The following CDC42SE2 variants were observed in gnomAD, a reference collection of about 807,000 sequenced individuals.
The protein encoded by CDC42SE2 is CDC42 small effector protein 2.
CDC42SE2 carries 3 observed loss-of-function variants against 11.5 expected under a neutral mutation model. The ratio of observed to expected loss-of-function variants is 0.26; its 90% CI spans 0.12 to 0.67. The LOEUF (loss-of-function observed/expected upper bound fraction) is 0.67. Among genes scored for constraint, CDC42SE2 ranks in the 30% least tolerant of loss-of-function variants. CDC42SE2 has a pLI of 0.80. For missense variants in CDC42SE2, 82 were observed against 106.8 expected, an observed-to-expected ratio of 0.77 and a Z score of 1.02; for synonymous variants, 33 against 34.8, an observed-to-expected ratio of 0.95 and a Z score of 0.18.
At chr5:131,323,094 G>A (rs1030976412) in intron 2 of CDC42SE2, among the ~76,000 whole-genome samples, 2 of 151,572 alleles carry the variant, frequency 1.3e-5, no homozygotes, top group Non-Finnish European at 1.5e-5. Flanking sequence ...ATGGACAATC[G>A]TGACTCACTG....
At chr5:131,279,779 G>A (rs1757200169) in intron 1 of CDC42SE2, among the ~76,000 whole-genome samples, 2 of 152,046 alleles carry the variant, frequency 1.3e-5, no homozygotes, top group South Asian at 4.1e-4. Context: ...TTTAAAAATT[G>A]AACTCTGAGA....
intron 3 of CDC42SE2, among the ~76,000 whole-genome samples, chr5:131,365,865 C>T (rs1245130121): frequency 6.6e-6 from 1 of 152,056 alleles, no homozygotes; most frequent in Non-Finnish European, 1.5e-5. Context: ...GCCTGTAGTC[C>T]CAGCTACTCG....
intron 4 of CDC42SE2, among the ~76,000 whole-genome samples, chr5:131,389,351 A>G (rs2149791103): frequency 6.6e-6 from 1 of 152,354 alleles, no homozygotes; most frequent in African/African-American, 2.4e-5. Flanking sequence ...CAAACAAACA[A>G]AAATATAGAT....
At chr5:131,309,622 G>C (rs1398085175) in intron 1 of CDC42SE2, among the ~76,000 whole-genome samples, 1 of 151,708 alleles carries the variant, frequency 6.6e-6, no homozygotes, top group African/African-American at 2.4e-5. Context: ...CACAATTTCA[G>C]CTCCTGTTAT....
chr5:131,334,809 A>AG (rs1758513806), intron 2 of CDC42SE2, among the ~76,000 whole-genome samples: 1 of 152,076 alleles, frequency 6.6e-6, no homozygotes, highest in African/African-American at 2.4e-5. Flanking sequence ...ATGGGTGGTG[A>AG]TATCCCCTTT....
chr5:131,356,636 T>C (rs1749556779), intron 2 of CDC42SE2, among the ~76,000 whole-genome samples: 1 of 152,230 alleles, frequency 6.6e-6, no homozygotes, highest in South Asian at 2.1e-4. Flanking sequence ...TATTGTACTT[T>C]AGGCCAGGTG....
intron 3 of CDC42SE2, among the ~76,000 whole-genome samples, chr5:131,376,689 C>T (rs1447274761): frequency 6.6e-6 from 1 of 152,024 alleles, no homozygotes; most frequent in Non-Finnish European, 1.5e-5. Flanking sequence ...TCTGTTGTTG[C>T]CTTCTTTGTG....
intron 3 of CDC42SE2, among the ~76,000 whole-genome samples, chr5:131,368,184 C>T (rs1213862148): frequency 4.2e-5 from 6 of 142,604 alleles, no homozygotes; most frequent in Admixed American, 1.5e-4. Flanking sequence ...ACCTGGGAGG[C>T]GGAGCTTGCA....
chr5:131,267,342 C>T (rs967623928), intron 1 of CDC42SE2, among the ~76,000 whole-genome samples: 5 of 152,080 alleles, frequency 3.3e-5, no homozygotes, highest in Non-Finnish European at 7.4e-5. Context: ...CAGGCGTGAG[C>T]CACCACGCCA....
At chr5:131,241,253 C>T (rs531304870), upstream of CDC42SE2, among the ~76,000 whole-genome samples, 88 of 152,232 alleles carry the variant, frequency 5.8e-4, no homozygotes, top group Non-Finnish European at 8.4e-4. Flanking sequence ...TGAGCCACCA[C>T]GCCCAGCGGT....
At position 131,293,642 on chromosome 5, in the gene CDC42SE2, C is replaced by G. The variant is rs572175703; in HGVS notation, c.-454-22334C>G. ...CACCAGTGCCTTGATCTTGGACTTC[C>G]CAGCTTCCACAACTATGAGAAACAA... On this transcript the variant is annotated intron_variant, in intron 1 of 4. Coordinates refer to ENST00000505065, the MANE Select transcript of CDC42SE2 (RefSeq NM_001375635.1). Among the ~76,000 whole-genome samples the G allele has an allele frequency of 1.2e-3, 175 of 151,982 alleles. 1 individual carries two copies. Among genetic ancestry groups the G allele is most frequent in the African/African-American group, 4.1e-3 (169 of 41,474 alleles).
At chr5:131,323,186 C>T (rs1758227919) in intron 2 of CDC42SE2, among the ~76,000 whole-genome samples, 1 of 149,658 alleles carries the variant, frequency 6.7e-6, no homozygotes, top group Admixed American at 6.6e-5. Flanking sequence ...GCCACCACAC[C>T]TGGCTTTTTT....
chr5:131,289,443 C>T (rs555948950), intron 1 of CDC42SE2, among the ~76,000 whole-genome samples: 6 of 152,052 alleles, frequency 3.9e-5, no homozygotes, highest in Non-Finnish European at 8.8e-5. Flanking sequence ...GAGGCCGAGG[C>T]GGGTGAATCA....
intron 2 of CDC42SE2, chr5:131,354,756 TATATC>T (rs1197040090): frequency 6.6e-6 from 1 of 152,212 alleles, no homozygotes; most frequent in Non-Finnish European, 1.5e-5. Context: ...AAAAGCATCT[TATATC>T]AATACAAGGT....
intron 1 of CDC42SE2, among the ~76,000 whole-genome samples, chr5:131,311,944 C>T (rs977351259): frequency 3.9e-5 from 6 of 152,302 alleles, no homozygotes; most frequent in Middle Eastern, 3.4e-3. Flanking sequence ...TCACTCAGCT[C>T]GTCAAAGTCA....
At chr5:131,292,046 A>G (rs1757467101) in intron 1 of CDC42SE2, among the ~76,000 whole-genome samples, 1 of 151,784 alleles carries the variant, frequency 6.6e-6, no homozygotes, top group Non-Finnish European at 1.5e-5. Flanking sequence ...GATTGAGACC[A>G]TCCTGGCTAA....
chr5:131,225,726 C>G, the CDC42SE2 span, among the ~76,000 whole-genome samples: 1 of 152,122 alleles, frequency 6.6e-6, no homozygotes, highest in Non-Finnish European at 1.5e-5. Flanking sequence ...CTCCTCAGGA[C>G]CTATCCCTAC....
intron 2 of CDC42SE2, among the ~76,000 whole-genome samples, chr5:131,332,960 CTCT>C (rs1236443396): frequency 6.6e-6 from 1 of 152,098 alleles, no homozygotes; most frequent in African/African-American, 2.4e-5. Flanking sequence ...TGTGCAGAAG[CTCT>C]TTAGTTTAAT....
In CDC42SE2 at chr5:131,394,654, A is replaced by ATGTT. The variant is rs1447045522; in HGVS notation, c.*3565_*3568dup. The ATGTT allele has an allele frequency of 1.3e-5, 2 of 152,274 alleles. No homozygotes were observed. The highest frequency in any genetic ancestry group is 2.9e-5 in the Non-Finnish European group (2 of 68,026). The allele number at this position is 152,274 out of a possible 1,614,324, so 9.4% of individuals were successfully genotyped here. On this transcript the variant is annotated 3_prime_UTR_variant, in exon 5 of 5. Transcript: ENST00000505065. ...GAAAGTATTGATTTTGATTCAATAAATGTTTTCTTTCAATCCTGGTTGGCC... is the reference window on the plus strand; with the variant it reads ...GAAAGTATTGATTTTGATTCAATAAATGTTTGTTTTCTTTCAATCCTGGTTGGCC...
Sources: allele counts gnomAD v4.1 joint callset (sites outside exome capture counted in the v4.1 genomes callset), GRCh38; gene constraint gnomAD v4.1.1; transcripts MANE v1.5; gene names NCBI Gene and HGNC (gene_info 2026-07-23, HGNC 2026-07-21).